The following C10orf90 variants were observed in gnomAD, a reference collection of about 807,000 sequenced individuals.
The protein encoded by C10orf90 is (E2-independent) E3 ubiquitin-conjugating enzyme FATS.
Under a neutral mutation model 62.5 loss-of-function variants are expected in C10orf90, and 56 were observed. The observed-to-expected ratio is 0.90, with a 90% CI of 0.72 to 1.12. The LOEUF (loss-of-function observed/expected upper bound fraction) is 1.12, where lower values mean the gene tolerates loss of function less well. C10orf90 is among the 50% of genes most tolerant of loss of function. C10orf90 has a pLI of 0.00. For synonymous variants in C10orf90, 386 were observed against 340.4 expected (o/e 1.13, Z -1.47); for missense variants, 970 against 880.4 (o/e 1.10, Z -1.29).
At chr10:126,445,813 A>ATATATG (rs1022437109) in intron 7 of C10orf90, among the ~76,000 whole-genome samples, 8 of 116,992 alleles carry the variant, frequency 6.8e-5, no homozygotes, top group African/African-American at 2.6e-4. Context: ...GTGTATATAT[A>ATATATG]TATATATATA....
At chr10:126,461,053 A>G (rs1411335852) in intron 6 of C10orf90, among the ~76,000 whole-genome samples, 1 of 152,108 alleles carries the variant, frequency 6.6e-6, no homozygotes, top group Non-Finnish European at 1.5e-5. Context: ...TGAGATCTGG[A>G]GCCCCTATAT....
chr10:126,432,694 G>A (rs1343364148), intron 7 of C10orf90, among the ~76,000 whole-genome samples: 1 of 152,208 alleles, frequency 6.6e-6, no homozygotes, highest in Non-Finnish European at 1.5e-5. Flanking sequence ...TGCGGGGAGG[G>A]AGGGTGCAGA....
chr10:126,669,987 A>G (rs1191185787), intron 1 of C10orf90, among the ~76,000 whole-genome samples: 1 of 152,208 alleles, frequency 6.6e-6, no homozygotes, highest in African/African-American at 2.4e-5. Context: ...TGGAGCACCA[A>G]TAAAGTTTGT....
In C10orf90 at chr10:126,464,426, C is replaced by G. The variant is rs529638087; in HGVS notation, c.1825+270G>C. Among the ~76,000 whole-genome samples, 9 of 152,322 alleles carry G rather than the reference C, an allele frequency of 5.9e-5. No individual in the cohort carries two copies. The South Asian group carries it at 1.9e-3, about 32-fold the overall frequency. On this transcript the variant is annotated intron_variant, in intron 5 of 9. Coordinates refer to ENST00000488181, the MANE Select transcript of C10orf90 (RefSeq NM_001350921.2). The stretch of plus-strand genomic sequence containing the variant: ...TAGCTGAGCCTGAGAATCTGCTGTG[C>G]ACCTGGGTGTGGTCTTCTCTCAGCC...
At chr10:126,467,136 CATCT>C (rs1314480708) in intron 4 of C10orf90, among the ~76,000 whole-genome samples, 2 of 152,128 alleles carry the variant, frequency 1.3e-5, no homozygotes, top group Admixed American at 1.3e-4. Flanking sequence ...ATCTATCTAT[CATCT>C]ATCTATCTAT....
chr10:126,603,863 C>T (rs1041555670), intron 2 of C10orf90, among the ~76,000 whole-genome samples: 200 of 152,194 alleles, frequency 1.3e-3, no homozygotes, highest in African/African-American at 4.4e-3. Context: ...CGTGACAAGA[C>T]GAGCCATATG....
chr10:126,491,059 C>T (rs1245851914), intron 4 of C10orf90, among the ~76,000 whole-genome samples: 1 of 152,148 alleles, frequency 6.6e-6, no homozygotes, highest in African/African-American at 2.4e-5. Context: ...AAATCTGTAT[C>T]AGTCATTTAT....
chr10:126,666,676 T>TCTTTAAAAAGTTCACTATGAGG (rs1288502792), intron 1 of C10orf90, among the ~76,000 whole-genome samples: 2 of 152,048 alleles, frequency 1.3e-5, no homozygotes, highest in Non-Finnish European at 2.9e-5. Context: ...CATATGCAGT[T>TCTTTAAAAAGTTCACTATGAGG]CTTTAAAAAG....
chr10:126,508,337 G>C (rs1401368737), intron 3 of C10orf90, among the ~76,000 whole-genome samples: 3 of 132,316 alleles, frequency 2.3e-5, no homozygotes, highest in African/African-American at 6.0e-5. Flanking sequence ...TCTTCTGCAT[G>C]GATATGGTGG....
At chr10:126,502,599 G>A (rs1862467071) in intron 4 of C10orf90, 1 of 246,656 alleles carries the variant, frequency 4.1e-6, no homozygotes, top group Admixed American at 5.7e-5. Flanking sequence ...TATTAATGAA[G>A]AGCCTTTGGT....
At chr10:126,642,664 G>A (rs1846089389) in intron 2 of C10orf90, among the ~76,000 whole-genome samples, 2 of 152,106 alleles carry the variant, frequency 1.3e-5, no homozygotes, top group African/African-American at 2.4e-5. Context: ...CTCTCCCGCT[G>A]TAATCTCAGC....
At chr10:126,649,026 CTG>C (rs1564908988) in intron 1 of C10orf90, among the ~76,000 whole-genome samples, 3 of 66,422 alleles carry the variant, frequency 4.5e-5, no homozygotes, top group South Asian at 6.3e-4. Flanking sequence ...CTCTCTCTCT[CTG>C]TCTCTGTCTC....
chr10:126,459,684 G>A (rs760264669), intron 6 of C10orf90, among the ~76,000 whole-genome samples: 1 of 152,236 alleles, frequency 6.6e-6, no homozygotes, highest in East Asian at 1.9e-4. Flanking sequence ...CGTGAAAAAC[G>A]TGCTCTTTCA....
chr10:126,430,738 C>T (rs985210326), intron 7 of C10orf90, among the ~76,000 whole-genome samples: 5 of 152,194 alleles, frequency 3.3e-5, no homozygotes, highest in Non-Finnish European at 7.3e-5. Flanking sequence ...GGCTCCTTGC[C>T]AAGCATCAGA....
intron 4 of C10orf90, among the ~76,000 whole-genome samples, chr10:126,498,530 G>A (rs1327618374): frequency 2.6e-5 from 4 of 152,172 alleles, no homozygotes; most frequent in South Asian, 4.1e-4. Context: ...AGAGCATTAT[G>A]GAGTCACAGA....
Position 126,425,839 on chromosome 10 carries a change from G to A in C10orf90, c.*25C>T. On this transcript the variant is annotated 3_prime_UTR_variant, in exon 10 of 10. Coordinates refer to ENST00000488181, the MANE Select transcript of C10orf90 (RefSeq NM_001350921.2). ...TTCGAAGTCCTCCCAGGTCCAGGTA[G>A]TGTGGTCAGCAGGGCAGCCTGTGGT... 6.2e-7 allele frequency: 1 copy of A among 1,611,898 alleles called. No homozygotes were observed.
Position 126,505,048 on chromosome 10 carries a change from G to C in C10orf90, c.443C>G (p.Ser148Cys), listed in dbSNP as rs946242984. Residue 148 changes from serine (S) to cysteine (C), a missense_variant, in exon 4 of 10, where the codon TCC (serine) becomes TGC (cysteine). Coordinates refer to ENST00000488181, the MANE Select transcript of C10orf90 (RefSeq NM_001350921.2). ...LASQNTKMISSIVISQMIDEN... is the reference protein window; with the variant it reads ...LASQNTKMISCIVISQMIDEN... ...ATCAATCATCTGGGAGATGACTATG[G>C]ATGAAATCATTTTTGTGTTTTGTGA... 6.2e-7 allele frequency: 1 copy of C among 1,611,364 alleles called. No individual in the cohort carries two copies. The highest frequency in any genetic ancestry group is 1.3e-5 in the African/African-American group (1 of 74,750).
At chr10:126,642,863 C>A (rs76118458) in intron 2 of C10orf90, among the ~76,000 whole-genome samples, 1 of 152,174 alleles carries the variant, frequency 6.6e-6, no homozygotes, top group African/African-American at 2.4e-5. Context: ...CTCCCACCAG[C>A]ACCCCGCTAA....
chr10:126,605,702 G>T (rs1353156304), intron 2 of C10orf90, among the ~76,000 whole-genome samples: 2 of 151,968 alleles, frequency 1.3e-5, no homozygotes, highest in East Asian at 3.9e-4. Flanking sequence ...CTGCCAGGCT[G>T]CCTGCCAGGT....
Sources: allele counts gnomAD v4.1 joint callset (sites outside exome capture counted in the v4.1 genomes callset), GRCh38; gene constraint gnomAD v4.1.1; transcripts MANE v1.5; gene names NCBI Gene and HGNC (gene_info 2026-07-23, HGNC 2026-07-21).